MACF1: variants seen among roughly 807,000 people sequenced by gnomAD.
The protein encoded by MACF1 is microtubule-actin cross-linking factor 1.
MACF1 carries 193 observed loss-of-function variants against 854.8 expected under a neutral mutation model. The ratio of observed to expected loss-of-function variants is 0.23; its 90% CI spans 0.20 to 0.25. The LOEUF (loss-of-function observed/expected upper bound fraction) is 0.25. Among genes scored for constraint, MACF1 ranks in the 10% least tolerant of loss-of-function variants. The pLI, the probability that MACF1 is intolerant of heterozygous loss-of-function variation, is 1.00. For missense variants in MACF1, 7,722 were observed against 8,929.1 expected (o/e 0.86, Z 5.45); for synonymous variants, 3,185 against 3,226.7 (o/e 0.99, Z 0.44).
intron 87 of MACF1, among the ~76,000 whole-genome samples, chr1:39,453,056 TA>T (rs1323265406): frequency 6.6e-6 from 1 of 152,224 alleles, no homozygotes; most frequent in East Asian, 1.9e-4. Context: ...ACAAGTTTTT[TA>T]AACATGGTAT....
chr1:39,440,113 T>TTTC (rs1644077276), intron 72 of MACF1, among the ~76,000 whole-genome samples: 1 of 134,788 alleles, frequency 7.4e-6, no homozygotes, highest in African/African-American at 2.9e-5. Context: ...TTTCTTTTCT[T>TTTC]TTTTTTTTTT....
intron 2 of MACF1, chr1:39,102,966 A>T: frequency 5.7e-6 from 4 of 701,248 alleles, no homozygotes; most frequent in Non-Finnish European, 1.0e-5. Context: ...TGTATAAAAC[A>T]GGAACATCAG....
chr1:39,462,199 G>A (rs1164377138), intron 93 of MACF1, among the ~76,000 whole-genome samples, 162 bp downstream of exon 93: 2 of 152,176 alleles, frequency 1.3e-5, no homozygotes, highest in African/African-American at 4.8e-5. Context: ...ATTTCAAAGA[G>A]TCCCAGAGGA....
chr1:39,394,488 G>C (rs1429518785), intron 58 of MACF1, among the ~76,000 whole-genome samples: 3 of 152,112 alleles, frequency 2.0e-5, no homozygotes, highest in Non-Finnish European at 2.9e-5. Context: ...TGGGCATGGT[G>C]GCACATGCCT....
intron 2 of MACF1, among the ~76,000 whole-genome samples, chr1:39,150,609 G>A (rs1478629462): frequency 6.6e-6 from 1 of 152,090 alleles, no homozygotes; most frequent in Admixed American, 6.6e-5. Flanking sequence ...CAAGATTCTT[G>A]AAGAATGGTA....
chr1:39,397,974 T>A (rs1642338023), intron 58 of MACF1, among the ~76,000 whole-genome samples: 1 of 152,144 alleles, frequency 6.6e-6, no homozygotes, highest in Non-Finnish European at 1.5e-5. Flanking sequence ...ATTTTGCAGA[T>A]AAGAAAACTT....
chr1:39,214,362 A>C (rs975617355), intron 1 of MACF1, among the ~76,000 whole-genome samples: 12 of 152,226 alleles, frequency 7.9e-5, no homozygotes, highest in Non-Finnish European at 1.3e-4. Context: ...TCAACATTCC[A>C]GTGTCTGGTA....
chr1:39,477,070 T>TACACACACAC (rs1224707870), intron 97 of MACF1, among the ~76,000 whole-genome samples: 12,153 of 42,266 alleles, frequency 0.29, 1,978 homozygotes, highest in Middle Eastern at 0.36. Flanking sequence ...TATATATATA[T>TACACACACAC]ATATATATAT....
intron 61 of MACF1, among the ~76,000 whole-genome samples, chr1:39,426,952 A>G (rs1331830002): frequency 1.3e-5 from 2 of 152,144 alleles, no homozygotes; most frequent in Non-Finnish European, 2.9e-5. Flanking sequence ...CATAGGCAAT[A>G]TACAGTCTTT....
Position 39,332,402 on chromosome 1 carries a change from T to C in MACF1, c.5814T>C (p.Asn1938=). The part of the protein sequence containing the change: ...HMQLADSAEQ[N]INPGAAVLPC... ...AACTAGCAGACTCTGCAGAACAAAATATTAATCCTGGAGCAGCAGTTCTAC... is the reference window on the plus strand; with the variant it reads ...AACTAGCAGACTCTGCAGAACAAAACATTAATCCTGGAGCAGCAGTTCTAC... Residue 1938 remains asparagine (N), a synonymous_variant, in exon 37 of 101, where the codon AAT becomes AAC. Coordinates refer to ENST00000564288, the MANE Select transcript of MACF1 (RefSeq NM_001394062.1). 1 of 1,614,016 alleles carries C rather than the reference T, an allele frequency of 6.2e-7. No homozygotes were observed. The highest frequency in any genetic ancestry group is 8.5e-7 in the Non-Finnish European group (1 of 1,180,016).
At chr1:39,145,852 C>T (rs1171929507) in intron 2 of MACF1, among the ~76,000 whole-genome samples, 1 of 152,156 alleles carries the variant, frequency 6.6e-6, no homozygotes, top group Non-Finnish European at 1.5e-5. Context: ...ATGAGCTTTT[C>T]CCCCAGGTCC....
At chr1:39,179,303 A>T (rs182924141) in intron 2 of MACF1, among the ~76,000 whole-genome samples, 1 of 152,276 alleles carries the variant, frequency 6.6e-6, no homozygotes, top group East Asian at 1.9e-4. Context: ...GGTGGGACTT[A>T]GCTGCCCTTC....
chr1:39,237,422 A>G (rs746429968), intron 2 of MACF1, among the ~76,000 whole-genome samples: 44 of 152,260 alleles, frequency 2.9e-4, no homozygotes, highest in Non-Finnish European at 5.3e-4. Flanking sequence ...TAAGTGCTGC[A>G]CATAGCACAT....
At position 39,335,978 on chromosome 1, in the gene MACF1, C is replaced by CA; in HGVS notation, c.9394dup (p.Thr3132AsnfsTer25). The CA allele has an allele frequency of 6.2e-7, 1 of 1,614,096 alleles. No homozygotes were observed. ...AAGTGACAGGCCCATCCCAAATTTCCAAAACAGACAAGTCTTTCCAAGGAA... is the reference window on the plus strand; with the variant it reads ...AAGTGACAGGCCCATCCCAAATTTCCAAAAACAGACAAGTCTTTCCAAGGAA... On this transcript the variant is annotated frameshift_variant, in exon 37 of 101. Transcript: ENST00000564288. LOFTEE classifies it high-confidence loss of function.
chr1:39,472,117 A>G (rs1204290316), intron 97 of MACF1, among the ~76,000 whole-genome samples: 2 of 152,176 alleles, frequency 1.3e-5, no homozygotes, highest in Non-Finnish European at 2.9e-5. Flanking sequence ...TGTAGGTTCA[A>G]TGGTAGATCT....
intron 2 of MACF1, among the ~76,000 whole-genome samples, chr1:39,100,335 G>C (rs2148129992): frequency 6.6e-6 from 1 of 152,296 alleles, no homozygotes; most frequent in Non-Finnish European, 1.5e-5. Context: ...CAAAGCCTCA[G>C]AGTCTGATTA....
chr1:39,444,474 A>G (rs1644184306), intron 79 of MACF1, among the ~76,000 whole-genome samples, 188 bp from the exon 80 acceptor site: 1 of 152,228 alleles, frequency 6.6e-6, no homozygotes, highest in South Asian at 2.1e-4. Context: ...AGTTATTACA[A>G]TTAATTTTAT....
chr1:39,108,096 G>A (rs1642295007), intron 2 of MACF1, among the ~76,000 whole-genome samples: 1 of 151,680 alleles, frequency 6.6e-6, no homozygotes, highest in Non-Finnish European at 1.5e-5. Flanking sequence ...GGTCTTGGCA[G>A]GATTAGATGA....
At chr1:39,329,106 C>A (rs1356652562) in intron 36 of MACF1, among the ~76,000 whole-genome samples, 6 of 152,126 alleles carry the variant, frequency 3.9e-5, no homozygotes, top group Non-Finnish European at 8.8e-5. Flanking sequence ...TTCTTTAAAA[C>A]AGACACATAG....
Sources: gnomAD v4.1 joint callset for allele counts (sites outside exome capture counted in the v4.1 genomes callset) on GRCh38, gnomAD v4.1.1 for gene constraint, MANE v1.5 for transcripts, NCBI Gene and HGNC (gene_info 2026-07-23, HGNC 2026-07-21) for gene names.